AP1G1: variants seen among roughly 807,000 people sequenced by gnomAD.
AP1G1 encodes the protein adaptor related protein complex 1 subunit gamma 1, also known as AP-1 complex subunit gamma-1.
A neutral mutation model predicts 108.3 loss-of-function variants in AP1G1; 7 were observed. The ratio of observed to expected loss-of-function variants is 0.06; its 90% CI spans 0.04 to 0.12. The LOEUF (loss-of-function observed/expected upper bound fraction) is 0.12. AP1G1 is among the 10% of genes least tolerant of loss of function. The pLI, the probability that AP1G1 is intolerant of heterozygous loss-of-function variation, is 1.00. For missense variants in AP1G1, 756 were observed against 1,010.7 expected (o/e 0.75, Z 3.42); for synonymous variants, 379 against 353.5 (o/e 1.07, Z -0.81).
At chr16:71,798,324 G>A (rs746687745) in intron 1 of AP1G1, among the ~76,000 whole-genome samples, 9 of 152,080 alleles carry the variant, frequency 5.9e-5, no homozygotes, top group African/African-American at 9.7e-5. Context: ...TTACCCTACC[G>A]AGTAGCCAGG....
intron 13 of AP1G1, among the ~76,000 whole-genome samples, chr16:71,752,963 CAT>C (rs1360850152): frequency 6.6e-6 from 1 of 151,980 alleles, no homozygotes; most frequent in Non-Finnish European, 1.5e-5. Flanking sequence ...ATAAATTATT[CAT>C]AGATTGAATA....
intron 4 of AP1G1, chr16:71,773,007 C>T: frequency 1.5e-6 from 1 of 649,394 alleles, no homozygotes; most frequent in Non-Finnish European, 2.8e-6. Context: ...ATTTGGTATG[C>T]CACCTAGGAT....
rs1367327148 is a variant in AP1G1 at position 71,731,900 on chromosome 16, T to C, written c.*1158A>G. 5.2e-5 allele frequency: 8 copies of C among 152,646 alleles called. No individual in the cohort carries two copies. The highest frequency in any genetic ancestry group is 2.0e-4 in the Admixed American group (3 of 15,274). The allele number at this position is 152,646 out of a possible 1,614,324, so 9.5% of individuals were successfully genotyped here. Reference sequence around the variant, plus strand: ...AAAGATTTCTTTAACCGTGTGGTCTTTATTTCAGTGCCAGTGTTACAGATA... The same window carrying C: ...AAAGATTTCTTTAACCGTGTGGTCTCTATTTCAGTGCCAGTGTTACAGATA... On this transcript the variant is annotated 3_prime_UTR_variant, in exon 23 of 23. Coordinates refer to ENST00000299980, the MANE Select transcript of AP1G1 (RefSeq NM_001128.6).
At chr16:71,745,050 AATG>A (rs1256310728) in intron 19 of AP1G1, 91 bp downstream of exon 19, 29 of 1,428,090 alleles carry the variant, frequency 2.0e-5, no homozygotes, top group Non-Finnish European at 1.9e-6. Flanking sequence ...CCCATCTTCA[AATG>A]ATTCACGTGC....
chr16:71,782,964 C>T (rs1336784790), intron 2 of AP1G1, among the ~76,000 whole-genome samples: 1 of 152,050 alleles, frequency 6.6e-6, no homozygotes, highest in Non-Finnish European at 1.5e-5. Context: ...GCCATCTTTC[C>T]AATGGGCTGA....
intron 1 of AP1G1, among the ~76,000 whole-genome samples, chr16:71,803,905 C>T (rs1432172816): frequency 7.8e-6 from 1 of 128,822 alleles, no homozygotes; most frequent in Non-Finnish European, 1.6e-5. Flanking sequence ...GCCTGGGCAA[C>T]AGAGGAGGAC....
rs1022032856 is a variant in AP1G1, at chr16:71,750,316, C to T, written c.1301G>A (p.Arg434His). ...GATTAAATTGGGGACTGCATCATCA[C>T]GAACATAACTTCCTGCCTAAAAGGA... Reference protein sequence around the residue: ...RVLTTAGSYVRDDAVPNLIQL... With the variant: ...RVLTTAGSYVHDDAVPNLIQL... The change falls in exon 14 of 23, where the codon CGT becomes CAT. Residue 434 changes from arginine (R) to histidine (H), a missense_variant. This residue lies in a region of AP1G1 where 357 missense variants were observed against 366.5 expected (regional missense o/e 0.97). Coordinates refer to ENST00000299980, the MANE Select transcript of AP1G1 (RefSeq NM_001128.6). 5.0e-6 allele frequency: 8 copies of T among 1,613,862 alleles called. No individual in the cohort carries two copies. The highest frequency in any genetic ancestry group is 5.9e-6 in the Non-Finnish European group (7 of 1,179,976).
rs1228156638 is a variant in AP1G1 at position 71,750,888 on chromosome 16, G to C, written c.1285-556C>G. ...TCTTTGTCCAAAGGCCGGGTGTGGT[G>C]GCTCACGCCTGTAATCCCAGCACTT... On this transcript the variant is annotated intron_variant, in intron 13 of 22. Transcript: ENST00000299980. 3.3e-5 allele frequency among the ~76,000 whole-genome samples: 5 copies of C among 151,488 alleles called. No individual in the cohort carries two copies. The East Asian group carries it at 9.7e-4, about 29-fold the overall frequency.
chr16:71,756,317 G>T, intron 11 of AP1G1, 158 bp from the exon 12 acceptor site: 1 of 572,260 alleles, frequency 1.7e-6, no homozygotes, highest in Non-Finnish European at 2.9e-6. Context: ...TAACCAAGGA[G>T]ATGTATTCTT....
rs369844976 is a variant in AP1G1 at position 71,736,551 on chromosome 16, ATTATTTATTTAT to A, written c.2269-1856_2269-1845del. Reference sequence around the variant, plus strand: ...GCCCGCCACCACGCCCGGCTAATTTATTATTTATTTATTTATTTATTTATTTATTTATTTATT... The same window carrying A: ...GCCCGCCACCACGCCCGGCTAATTTATTATTTATTTATTTATTTATTTATT... On this transcript the variant is annotated intron_variant, in intron 21 of 22. Transcript: ENST00000299980. Among the ~76,000 whole-genome samples, 436 of 105,902 alleles carry A rather than the reference ATTATTTATTTAT, an allele frequency of 4.1e-3. 2 individuals are homozygous for A. Among genetic ancestry groups the A allele is most frequent in the Admixed American group, 6.3e-3 (61 of 9,690 alleles). The allele number at this position is 105,902 out of a possible 152,430, so 69.5% of individuals were successfully genotyped here.
chr16:71,751,112 G>A (rs988818989), intron 13 of AP1G1, among the ~76,000 whole-genome samples: 15 of 145,284 alleles, frequency 1.0e-4, no homozygotes, highest in African/African-American at 2.6e-4. Flanking sequence ...CCGAGTTTGC[G>A]CCACTGCACT....
At chr16:71,748,122 A>G in intron 16 of AP1G1, 129 bp downstream of exon 16, 1 of 951,872 alleles carries the variant, frequency 1.1e-6, no homozygotes, top group Admixed American at 2.8e-5. Context: ...TAAGTAATGG[A>G]AATTTGTGTT....
At chr16:71,807,881 G>A in intron 1 of AP1G1, 1 of 1,285,018 alleles carries the variant, frequency 7.8e-7, no homozygotes, top group South Asian at 1.2e-5. Context: ...TACCACACAA[G>A]TGTCAGTAAG....
At chr16:71,740,322 C>T (rs951926928) in intron 19 of AP1G1, among the ~76,000 whole-genome samples, 1 of 152,122 alleles carries the variant, frequency 6.6e-6, no homozygotes, top group African/African-American at 2.4e-5. Flanking sequence ...TTGTAACAAC[C>T]AAAAATATCT....
chr16:71,749,865 CCCACTTA>C (rs2030394510), intron 15 of AP1G1, 22 bp downstream of exon 15: 1 of 1,544,216 alleles, frequency 6.5e-7, no homozygotes, highest in Non-Finnish European at 8.9e-7. Context: ...ACTATTTTCC[CCCACTTA>C]ACCAAGAGTG....
intron 1 of AP1G1, among the ~76,000 whole-genome samples, chr16:71,801,126 G>A (rs774267881): frequency 4.6e-5 from 7 of 152,094 alleles, no homozygotes; most frequent in African/African-American, 7.2e-5. Context: ...GGCCAACATG[G>A]CGAAACCTCA....
chr16:71,801,782 C>T (rs1288251806), intron 1 of AP1G1, among the ~76,000 whole-genome samples: 3 of 151,906 alleles, frequency 2.0e-5, no homozygotes, highest in Non-Finnish European at 2.9e-5. Flanking sequence ...ATTAGCCAGG[C>T]GTGGTGGCGG....
intron 10 of AP1G1, among the ~76,000 whole-genome samples, chr16:71,760,044 T>C (rs1397904034): frequency 6.6e-6 from 1 of 152,080 alleles, no homozygotes; most frequent in East Asian, 1.9e-4. Flanking sequence ...ATGTATTTAT[T>C]TTTTAATAGA....
intron 1 of AP1G1, among the ~76,000 whole-genome samples, chr16:71,807,043 G>C (rs183347021): frequency 2.6e-4 from 39 of 152,346 alleles, no homozygotes; most frequent in Admixed American, 1.8e-3. Flanking sequence ...CTCTTTTGCA[G>C]ATGTGAAAAC....
Sources: gnomAD v4.1 joint callset for allele counts (sites outside exome capture counted in the v4.1 genomes callset) on GRCh38, gnomAD v4.1.1 for gene constraint, gnomAD v4.1.1 regional missense constraint, MANE v1.5 for transcripts, NCBI Gene and HGNC (gene_info 2026-07-23, HGNC 2026-07-21) for gene names.